NUDT14: variants seen among roughly 807,000 people sequenced by gnomAD.
NUDT14 encodes nudix hydrolase 14, also known as uridine diphosphate glucose pyrophosphatase NUDT14.
Under a neutral mutation model 17.5 loss-of-function variants are expected in NUDT14, and 22 were observed. The observed-to-expected ratio is 1.26, with a 90% CI of 0.90 to 1.80. The LOEUF (loss-of-function observed/expected upper bound fraction) is 1.80. Ranked by LOEUF, NUDT14 falls within the 40% of genes most tolerant of loss-of-function variation. NUDT14 has a pLI of 0.00. For synonymous variants in NUDT14, 129 were observed against 125.8 expected, an observed-to-expected ratio of 1.03 and a Z score of -0.17; for missense variants, 296 against 295.6, an observed-to-expected ratio of 1.00 and a Z score of -0.01.
chr14:105,176,586 C>T lies in NUDT14; in HGVS notation c.376G>A (p.Glu126Lys). 1 of 1,612,754 alleles carries T rather than the reference C, an allele frequency of 6.2e-7. No individual in the cohort carries two copies. The highest frequency in any genetic ancestry group is 8.5e-7 in the Non-Finnish European group (1 of 1,179,960). ...EEVACKEAWE[E>K]CGYHLAPSDL... is the part of the protein sequence containing the mutation. ...GAGGGGGCCAAGTGGTAGCCACACT[C>T]CTCCCAAGCCTCCTTGCAAGCCACT... The change falls in exon 4 of 5, where the codon GAG (glutamate) becomes AAG (lysine). Residue 126 changes from glutamate to lysine, a missense_variant. Physicochemically the swap from Glu to Lys is moderately conservative, Grantham distance 56. Coordinates refer to ENST00000392568, the MANE Select transcript of NUDT14 (RefSeq NM_177533.5).
chr14:105,179,675 G>C (rs587600870), intron 1 of NUDT14, among the ~76,000 whole-genome samples: 1 of 152,352 alleles, frequency 6.6e-6, no homozygotes, highest in East Asian at 1.9e-4. Flanking sequence ...CAACGTCAGG[G>C]AAAAGGGCAG....
chr14:105,179,005 A>T (rs1889274888), intron 1 of NUDT14, among the ~76,000 whole-genome samples: 1 of 151,770 alleles, frequency 6.6e-6, no homozygotes, highest in South Asian at 2.1e-4. Context: ...CCCCCGAACC[A>T]CCACCCAGCC....
Position 105,177,907 on chromosome 14 carries a change from G to C in NUDT14, c.82-172C>G, listed in dbSNP as rs587702883. ...CCGTGGGCAGAGGAGCAAGCAGCCT[G>C]GGAGGGGCAGGGAGGTCAAGGACAG... is the stretch of plus-strand genomic sequence containing the variant. On this transcript the variant is annotated intron_variant, in intron 1 of 4. Coordinates refer to ENST00000392568, the MANE Select transcript of NUDT14 (RefSeq NM_177533.5). The C allele has an allele frequency of 4.9e-6, 3 of 607,760 alleles. No homozygotes were observed. In the Admixed American group the frequency reaches 8.8e-5, roughly 18 times the overall value. The allele number at this position is 607,760 out of a possible 1,614,324, so 37.6% of individuals were successfully genotyped here.
At chr14:105,176,281 G>A in intron 4 of NUDT14, 1 of 578,110 alleles carries the variant, frequency 1.7e-6, no homozygotes, top group Non-Finnish European at 3.1e-6. Flanking sequence ...AGCAGCAGCT[G>A]TCACCCGGCC....
At chr14:105,180,494 G>T (rs1486418301) in intron 1 of NUDT14, among the ~76,000 whole-genome samples, 2 of 152,154 alleles carry the variant, frequency 1.3e-5, no homozygotes, top group Non-Finnish European at 2.9e-5. Context: ...AATATTCCTT[G>T]TGAACCTACC....
In NUDT14 at chr14:105,181,301, G is replaced by A. The variant is rs1179981994; in HGVS notation, c.-92C>T. 3 of 523,754 alleles carry A rather than the reference G, an allele frequency of 5.7e-6. No homozygotes were observed. The highest frequency in any genetic ancestry group is 5.8e-5 in the Admixed American group (1 of 17,230). The allele number at this position is 523,754 out of a possible 1,614,324, so 32.4% of individuals were successfully genotyped here. Reference sequence around the variant, plus strand: ...GACAGGAGCCTTCGGGCGGGCGCGTGACCGCGGCTCTGAGCATGCTCCGTG... The same window carrying A: ...GACAGGAGCCTTCGGGCGGGCGCGTAACCGCGGCTCTGAGCATGCTCCGTG... On this transcript the variant is annotated 5_prime_UTR_variant, in exon 1 of 5. Coordinates refer to ENST00000392568, the MANE Select transcript of NUDT14 (RefSeq NM_177533.5). This position sits in a 1 kb window ranked among gnomAD's most constrained non-coding sequence, Gnocchi z 5.0.
At position 105,173,041 on chromosome 14, in the gene NUDT14, G is replaced by A. The variant is rs1174208316; in HGVS notation, c.649C>T (p.Pro217Ser). 4 of 1,514,546 alleles carry A rather than the reference G, an allele frequency of 2.6e-6. No homozygotes were observed. The highest frequency in any genetic ancestry group is 2.2e-5 in the Admixed American group (1 of 46,164). The allele number at this position is 1,514,546 out of a possible 1,614,324, so 93.8% of individuals were successfully genotyped here. A position where few individuals can be genotyped will look rare whatever the true frequency, so the allele number is the denominator to read the frequency against. ...GAGTCTCACTGGAGATCCAGGTTGG[G>A]GGCCACCTGGCTGAGGAACCATGAG... ...GVSWFLSQVA[P>S]NLDLQ The change falls in exon 5 of 5, where the codon CCC becomes TCC. Residue 217 changes from proline (P) to serine (S), a missense_variant. Coordinates refer to ENST00000392568, the MANE Select transcript of NUDT14 (RefSeq NM_177533.5). This position sits in a 1 kb window ranked among gnomAD's most constrained non-coding sequence, Gnocchi z 4.7.
At chr14:105,179,320 C>A in intron 1 of NUDT14, among the ~76,000 whole-genome samples, 1 of 152,212 alleles carries the variant, frequency 6.6e-6, no homozygotes, top group East Asian at 1.9e-4. Context: ...CCTCCCCTGG[C>A]TGGACGCAGC....
Position 105,181,184 on chromosome 14 carries a change from A to G in NUDT14, c.26T>C (p.Val9Ala). 8.5e-7 allele frequency: 1 copy of G among 1,182,694 alleles called. No individual in the cohort carries two copies. The highest frequency in any genetic ancestry group is 1.1e-6 in the Non-Finnish European group (1 of 947,922). The allele number at this position is 1,182,694 out of a possible 1,614,324, so 73.3% of individuals were successfully genotyped here. A position where few individuals can be genotyped will look rare whatever the true frequency, so the allele number is the denominator to read the frequency against. The change falls in exon 1 of 5, where the codon GTG becomes GCG. Residue 9 changes from valine (V) to alanine (A), a missense_variant. Transcript: ENST00000392568. The surrounding 1 kb of genome is among the most constrained non-coding windows in gnomAD (Gnocchi z 5.0). The stretch of plus-strand genomic sequence containing the variant: ...GTAGGGTGAGGCGGCGCAGCGGCCC[A>G]CGGACGCCCCCTCGATGCGCTCCAT... Reference protein sequence around the residue: MERIEGASVGRCAASPYLR... With the variant: MERIEGASAGRCAASPYLR...
rs1387667345 is a variant in NUDT14 at position 105,176,710 on chromosome 14, G to A, written c.252C>T (p.Asp84=). The change falls in exon 4 of 5, where the codon GAC becomes GAT. Residue 84 remains aspartate (D), a synonymous_variant. Coordinates refer to ENST00000392568, the MANE Select transcript of NUDT14 (RefSeq NM_177533.5). ...FPGSLAAVDQ[D]GPRELQPALP... ...GGGCTGGCTGTAGCTCCCGAGGCCC[G>A]TCCTGGTCTACAGCTGCTAGGGACC... is the stretch of plus-strand genomic sequence containing the variant. The A allele has an allele frequency of 7.4e-6, 12 of 1,612,582 alleles. No homozygotes were observed. Among genetic ancestry groups the A allele is most frequent in the Middle Eastern group, 1.6e-4 (1 of 6,084 alleles).
intron 4 of NUDT14, chr14:105,176,294 C>T (rs1889210349): frequency 1.7e-6 from 1 of 588,434 alleles, no homozygotes; most frequent in Admixed American, 3.0e-5. Context: ...ACCCGGCCTG[C>T]CTCACACAGC....
In NUDT14 at chr14:105,179,930, G is replaced by A. The variant is rs587692364; in HGVS notation, c.81+1199C>T. On this transcript the variant is annotated intron_variant, in intron 1 of 4. Transcript: ENST00000392568. ...GACAGGATGCCCCCTGAGGGAGGGA[G>A]GCAGGCAGGCAGAGAGGCACTGCGA... 5.3e-5 allele frequency among the ~76,000 whole-genome samples: 8 copies of A among 152,374 alleles called. No individual in the cohort carries two copies. In the South Asian group the frequency reaches 1.7e-3, roughly 32 times the overall value.
chr14:105,177,469 C>T (rs746642778), intron 2 of NUDT14: 1 of 575,706 alleles, frequency 1.7e-6, no homozygotes, highest in Non-Finnish European at 3.1e-6. Context: ...TGCCCACCAT[C>T]ATGGTCCCGG....
chr14:105,175,762 G>A (rs950705893), intron 4 of NUDT14: 123 of 1,007,390 alleles, frequency 1.2e-4, no homozygotes, highest in Non-Finnish European at 1.4e-4. Context: ...GTGCCCAGGT[G>A]AAGTCCTTGA....
At chr14:105,180,363 G>T (rs1889301088) in intron 1 of NUDT14, among the ~76,000 whole-genome samples, 1 of 152,188 alleles carries the variant, frequency 6.6e-6, no homozygotes, top group Non-Finnish European at 1.5e-5. Flanking sequence ...TACTGGGGCG[G>T]GGGCTGAGGC....
chr14:105,174,328 C>A (rs948018007), intron 4 of NUDT14, among the ~76,000 whole-genome samples: 3 of 151,786 alleles, frequency 2.0e-5, no homozygotes, highest in South Asian at 2.1e-4. Flanking sequence ...AGGTGTGGAT[C>A]TGGGGAGAAA....
At position 105,176,747 on chromosome 14, in the gene NUDT14, C is replaced by T. The variant is rs1410872880; in HGVS notation, c.215G>A (p.Arg72His). 8 of 1,612,366 alleles carry T rather than the reference C, an allele frequency of 5.0e-6. No individual in the cohort carries two copies. The highest frequency in any genetic ancestry group is 4.5e-5 in the East Asian group (2 of 44,884). ...AGCTGCTAGGGACCCTGGGAAGCGG[C>T]GCTCCACCTCACCCGCATACACAGC... The part of the protein sequence containing the change: ...RPAVYAGEVE[R>H]RFPGSLAAVD... The change falls in exon 4 of 5, where the codon CGC (arginine) becomes CAC (histidine). Residue 72 changes from arginine to histidine, a missense_variant. By Grantham distance (29) the Arg-to-His change is conservative (BLOSUM62 0). Coordinates refer to ENST00000392568, the MANE Select transcript of NUDT14 (RefSeq NM_177533.5).
chr14:105,174,855 G>GT (rs1726955689), intron 4 of NUDT14, among the ~76,000 whole-genome samples: 1 of 152,202 alleles, frequency 6.6e-6, no homozygotes, highest in Admixed American at 6.5e-5. Flanking sequence ...GCAGCGGCAG[G>GT]TAAGAGGCCT....
chr14:105,175,841 G>A (rs980332182), intron 4 of NUDT14: 105 of 1,067,628 alleles, frequency 9.8e-5, no homozygotes, highest in Non-Finnish European at 1.2e-4. Flanking sequence ...CAGGTGCAGA[G>A]ACTTCCGGTG....
Sources: gnomAD v4.1 joint callset for allele counts (sites outside exome capture counted in the v4.1 genomes callset) on GRCh38, gnomAD v4.1.1 for gene constraint, Gnocchi (gnomAD v3.1) non-coding constraint, MANE v1.5 for transcripts, NCBI Gene and HGNC (gene_info 2026-07-23, HGNC 2026-07-21) for gene names.